Variants in NAALADL2 observed in about 807,000 individuals in gnomAD.
The protein encoded by NAALADL2 is inactive N-acetylated-alpha-linked acidic dipeptidase-like protein 2.
NAALADL2 carries 76 observed loss-of-function variants against 87.2 expected under a neutral mutation model. The ratio of observed to expected loss-of-function variants is 0.87; its 90% CI spans 0.72 to 1.05. The LOEUF (loss-of-function observed/expected upper bound fraction) is 1.05, where lower values mean the gene tolerates loss of function less well. NAALADL2 is among the 50% of genes least tolerant of loss of function. NAALADL2 has a pLI of 0.00. For missense variants in NAALADL2, 1,089 were observed against 945.8 expected (o/e 1.15, Z -1.99); for synonymous variants, 354 against 331.0 (o/e 1.07, Z -0.75).
chr3:174,617,211 A>G (rs1720548324), intron 2 of NAALADL2, among the ~76,000 whole-genome samples: 1 of 151,784 alleles, frequency 6.6e-6, no homozygotes, highest in Non-Finnish European at 1.5e-5. Flanking sequence ...ATGCAGCTCA[A>G]ATTTTCTTCT....
chr3:175,450,537 C>T (rs1393173805), intron 6 of NAALADL2, among the ~76,000 whole-genome samples: 1 of 152,086 alleles, frequency 6.6e-6, no homozygotes, highest in Non-Finnish European at 1.5e-5. Flanking sequence ...TAGAATTTTT[C>T]TACTACCAAA....
At chr3:174,791,510 G>C (rs903007960) in intron 3 of NAALADL2, among the ~76,000 whole-genome samples, 2 of 152,100 alleles carry the variant, frequency 1.3e-5, no homozygotes, top group South Asian at 2.1e-4. Context: ...CTAGCCTCTG[G>C]AACTGTGAGA....
At chr3:175,323,040 T>C (rs1246442960) in intron 4 of NAALADL2, among the ~76,000 whole-genome samples, 3 of 150,084 alleles carry the variant, frequency 2.0e-5, no homozygotes, top group Non-Finnish European at 4.5e-5. Flanking sequence ...CATGCACACG[T>C]ATGTTTATTG....
intron 3 of NAALADL2, among the ~76,000 whole-genome samples, chr3:174,844,849 T>G (rs1389123664): frequency 7.3e-6 from 1 of 137,194 alleles, no homozygotes; most frequent in African/African-American, 2.8e-5. Flanking sequence ...TTTTTTTTTT[T>G]TTTTTTTTTT....
intron 5 of NAALADL2, among the ~76,000 whole-genome samples, chr3:175,440,365 C>A (rs1217267234): frequency 6.6e-6 from 1 of 152,054 alleles, no homozygotes; most frequent in Non-Finnish European, 1.5e-5. Context: ...TTTGGCTATG[C>A]AGGCTCTTTT....
In NAALADL2 at chr3:175,299,412, C is replaced by T. The variant is rs7624792; in HGVS notation, c.940-24763C>T. On this transcript the variant is annotated intron_variant, in intron 4 of 13. Coordinates refer to ENST00000454872, the MANE Select transcript of NAALADL2 (RefSeq NM_207015.3). ...GGCCATTTTCATGATATTGATTCTT[C>T]TTATCCATGAGCATGGAATCTTTTT... Among the ~76,000 whole-genome samples the T allele has an allele frequency of 9.7e-3, 1,468 of 151,518 alleles. 11 individuals are homozygous for T. The highest frequency in any genetic ancestry group is 0.013 in the Non-Finnish European group (913 of 67,952).
At chr3:175,260,101 G>A (rs1750757633) in intron 4 of NAALADL2, among the ~76,000 whole-genome samples, 1 of 151,970 alleles carries the variant, frequency 6.6e-6, no homozygotes, top group Admixed American at 6.6e-5. Context: ...TTAAAACAAA[G>A]CAAGTTTCTT....
intron 2 of NAALADL2, among the ~76,000 whole-genome samples, chr3:174,570,517 T>C (rs950227412): frequency 1.4e-4 from 22 of 152,248 alleles, no homozygotes; most frequent in African/African-American, 5.1e-4. Flanking sequence ...TCTCAAATAA[T>C]GTAGTGAGAG....
At chr3:175,119,460 G>A (rs1466048175) in intron 2 of NAALADL2, among the ~76,000 whole-genome samples, 1 of 151,308 alleles carries the variant, frequency 6.6e-6, no homozygotes, top group Non-Finnish European at 1.5e-5. Flanking sequence ...TACATGGCAG[G>A]ACTATAGGAT....
chr3:174,753,799 G>A (rs374601251), intron 3 of NAALADL2, among the ~76,000 whole-genome samples: 95 of 152,278 alleles, frequency 6.2e-4, no homozygotes, highest in African/African-American at 2.2e-3. Flanking sequence ...CTAACCCCCA[G>A]TGTGATTGCA....
chr3:174,852,429 A>G (rs528220707), intron 3 of NAALADL2, among the ~76,000 whole-genome samples: 1 of 152,294 alleles, frequency 6.6e-6, no homozygotes, highest in Admixed American at 6.5e-5. Flanking sequence ...ACAATAAACT[A>G]TCTAAAAAGA....
chr3:174,823,946 C>A (rs1248137655), intron 3 of NAALADL2, among the ~76,000 whole-genome samples: 1 of 152,062 alleles, frequency 6.6e-6, no homozygotes, highest in Non-Finnish European at 1.5e-5. Context: ...AAATTGAAAT[C>A]TATATATTTT....
At chr3:175,160,195 A>G (rs1025943640) in intron 2 of NAALADL2, among the ~76,000 whole-genome samples, 1 of 151,786 alleles carries the variant, frequency 6.6e-6, no homozygotes, top group Non-Finnish European at 1.5e-5. Context: ...TCACCAGTAC[A>G]GTGGTAGTTT....
intron 2 of NAALADL2, among the ~76,000 whole-genome samples, chr3:174,675,734 A>G (rs754486604): frequency 1.1e-4 from 16 of 152,078 alleles, no homozygotes; most frequent in Admixed American, 1.3e-4. Context: ...TAATTGACAC[A>G]TTGTGTAACC....
In NAALADL2 at chr3:174,756,653, C is replaced by T. The variant is rs186158175; in HGVS notation, c.-9+18907C>T. ...ACTTCTGTCATGAACAGATAGAGAT[C>T]TGCTTTGCACTGAGGGAGAAGCAGC... is the stretch of plus-strand genomic sequence containing the variant. On this transcript the variant is annotated intron_variant, in intron 3 of 3. Transcript: ENST00000434257. Among the ~76,000 whole-genome samples, 52 of 152,324 alleles carry T rather than the reference C, an allele frequency of 3.4e-4. No homozygotes were observed. The East Asian group carries it at 9.8e-3, about 29-fold the overall frequency.
chr3:175,614,736 TA>T (rs1413002774), intron 10 of NAALADL2, among the ~76,000 whole-genome samples: 4 of 152,204 alleles, frequency 2.6e-5, no homozygotes, highest in Non-Finnish European at 5.9e-5. Flanking sequence ...AGTGCATGCA[TA>T]AAACTCAGCT....
intron 1 of NAALADL2, among the ~76,000 whole-genome samples, chr3:174,462,225 A>G (rs528226283): frequency 1.4e-4 from 22 of 152,104 alleles, no homozygotes; most frequent in African/African-American, 5.1e-4. Context: ...TATTTCCACA[A>G]AGGTATGGTT....
Position 175,438,234 on chromosome 3 carries a change from G to A in NAALADL2, c.1091-8995G>A, listed in dbSNP as rs10433473. On this transcript the variant is annotated intron_variant, in intron 5 of 13. Transcript: ENST00000454872. ...ATAATCTAAACAATACTTTGCTGAC[G>A]TTGACTAGGCTTGATAGAAAATGGT... is the stretch of plus-strand genomic sequence containing the variant. Among the ~76,000 whole-genome samples the A allele has an allele frequency of 1.3e-4, 19 of 151,986 alleles. 1 individual carries two copies. Among genetic ancestry groups the A allele is most frequent in the South Asian group, 6.2e-4 (3 of 4,816 alleles).
chr3:175,055,617 G>A (rs939143998), intron 1 of NAALADL2, among the ~76,000 whole-genome samples: 7 of 152,176 alleles, frequency 4.6e-5, no homozygotes, highest in South Asian at 2.1e-4. Context: ...TCCCGAAATC[G>A]GGTTCCCATC....
Sources: allele counts gnomAD v4.1 joint callset (sites outside exome capture counted in the v4.1 genomes callset), GRCh38; gene constraint gnomAD v4.1.1; transcripts MANE v1.5; gene names NCBI Gene and HGNC (gene_info 2026-07-23, HGNC 2026-07-21).